The following NUP153 variants were observed in gnomAD, a reference collection of about 807,000 sequenced individuals.
NUP153 encodes nucleoporin 153, also known as nuclear pore complex protein Nup153.
Under a neutral mutation model 134.6 loss-of-function variants are expected in NUP153, and 27 were observed. The ratio of observed to expected loss-of-function variants is 0.20; its 90% CI spans 0.15 to 0.28. NUP153 has a LOEUF of 0.28. Ranked by LOEUF, NUP153 falls within the 10% of genes least tolerant of loss-of-function variation. The pLI, the probability that NUP153 is intolerant of heterozygous loss-of-function variation, is 1.00. For synonymous variants in NUP153, 640 were observed against 623.5 expected (o/e 1.03, Z -0.40); for missense variants, 1,821 against 1,731.3 (o/e 1.05, Z -0.92).
chr6:17,667,525 TAATACGG>T (rs896524031), intron 8 of NUP153, among the ~76,000 whole-genome samples: 60 of 152,182 alleles, frequency 3.9e-4, no homozygotes, highest in African/African-American at 1.4e-3. Context: ...CTACCCTGGC[TAATACGG>T]TGAAACCCCA....
In NUP153 at chr6:17,688,444, T is replaced by C. The variant is rs1769075794; in HGVS notation, c.286A>G (p.Ile96Val). 1 of 1,614,062 alleles carries C rather than the reference T, an allele frequency of 6.2e-7. No individual in the cohort carries two copies. The highest frequency in any genetic ancestry group is 1.7e-5 in the Admixed American group (1 of 60,004). Residue 96 changes from isoleucine to valine, a missense_variant, in exon 2 of 22, where the codon ATT becomes GTT. Coordinates refer to ENST00000262077, the MANE Select transcript of NUP153 (RefSeq NM_005124.4). The part of the protein sequence containing the change: ...LVYADEESSN[I>V]TDGRITPEPA... ...TCAGGTGTGATTCTCCCATCAGTAA[T>C]ATTAGAGCTCTCCTCATCGGCATAT...
At position 17,637,582 on chromosome 6, in the gene NUP153, T is replaced by C. The variant is rs754988805; in HGVS notation, c.2035A>G (p.Ile679Val). The change falls in exon 16 of 22, where the codon ATA (isoleucine) becomes GTA (valine). Residue 679 changes from isoleucine to valine, a missense_variant. Transcript: ENST00000262077. ...LQNKVTDNKC[I>V]ACQAAKLSPR... ...GACAATTTTGCTGCTTGACAGGCTATGCATTTGTTGTCTGTAACTTTGTTC... is the reference window on the plus strand; with the variant it reads ...GACAATTTTGCTGCTTGACAGGCTACGCATTTGTTGTCTGTAACTTTGTTC... 13 of 1,614,190 alleles carry C rather than the reference T, an allele frequency of 8.1e-6. No individual in the cohort carries two copies. Among genetic ancestry groups the C allele is most frequent in the Non-Finnish European group, 1.0e-5 (12 of 1,180,026 alleles).
chr6:17,641,654 C>T (rs1012759901), intron 14 of NUP153, among the ~76,000 whole-genome samples: 1 of 152,098 alleles, frequency 6.6e-6, no homozygotes, highest in African/African-American at 2.4e-5. Flanking sequence ...GAGATCGAGA[C>T]CACCCAGGCT....
chr6:17,691,880 T>C (rs1769299104), intron 1 of NUP153, among the ~76,000 whole-genome samples: 1 of 152,210 alleles, frequency 6.6e-6, no homozygotes, highest in Non-Finnish European at 1.5e-5. Context: ...CACGTGATCA[T>C]GGCCCACTGC....
chr6:17,642,670 C>G (rs575111122), intron 14 of NUP153, among the ~76,000 whole-genome samples: 1 of 152,336 alleles, frequency 6.6e-6, no homozygotes, highest in East Asian at 1.9e-4. Flanking sequence ...TCTGACCCAT[C>G]AATTCCATTC....
rs1407606215 is a variant in NUP153 at position 17,680,183 on chromosome 6, C to A, written c.335-4413G>T. On this transcript the variant is annotated intron_variant, in intron 2 of 21. Coordinates refer to ENST00000262077, the MANE Select transcript of NUP153 (RefSeq NM_005124.4). This position sits in a 1 kb window ranked among gnomAD's most constrained non-coding sequence, Gnocchi z 4.5. ...GAAATAAAAGTCCTGTCTGGGAAAT[C>A]TGCTTGGGTCCGTGTTAATTTCCAT... Among the ~76,000 whole-genome samples, 7 of 152,156 alleles carry A rather than the reference C, an allele frequency of 4.6e-5. No homozygotes were observed. Among genetic ancestry groups the A allele is most frequent in the Non-Finnish European group, 8.8e-5 (6 of 68,036 alleles).
intron 1 of NUP153, among the ~76,000 whole-genome samples, chr6:17,700,951 G>A (rs1406765477): frequency 6.6e-6 from 1 of 152,198 alleles, no homozygotes; most frequent in Non-Finnish European, 1.5e-5. Context: ...GCTAAGCAGT[G>A]GCTCATGCCT....
intron 11 of NUP153, among the ~76,000 whole-genome samples, chr6:17,649,822 T>C (rs936628885): frequency 2.6e-5 from 4 of 152,326 alleles, no homozygotes; most frequent in East Asian, 1.9e-4. Flanking sequence ...GATATGTATG[T>C]ATAAGAAAAA....
At chr6:17,669,632 G>A in intron 5 of NUP153, 86 bp from the exon 6 acceptor site, 1 of 905,870 alleles carries the variant, frequency 1.1e-6, no homozygotes, top group Non-Finnish European at 1.8e-6. Flanking sequence ...AAGATAGAAT[G>A]GATGTCCAAA....
chr6:17,646,598 G>A (rs1766199396), intron 13 of NUP153, among the ~76,000 whole-genome samples: 1 of 152,154 alleles, frequency 6.6e-6, no homozygotes, highest in Non-Finnish European at 1.5e-5. Context: ...CTAAAAGTGA[G>A]ATTCTTATAT....
intron 21 of NUP153, 93 bp from the exon 22 acceptor site, chr6:17,616,274 G>GC: frequency 3.8e-6 from 2 of 531,768 alleles, no homozygotes; most frequent in Non-Finnish European, 6.7e-6. Flanking sequence ...AGGGTAAGGG[G>GC]GGTCGGGTGG....
chr6:17,688,967 T>C (rs907314353), intron 1 of NUP153, among the ~76,000 whole-genome samples: 1 of 152,136 alleles, frequency 6.6e-6, no homozygotes, highest in Non-Finnish European at 1.5e-5. Flanking sequence ...TTTTTCCCAG[T>C]ATGTTAAAAC....
chr6:17,699,325 T>A (rs1769888484), intron 1 of NUP153, among the ~76,000 whole-genome samples: 2 of 151,046 alleles, frequency 1.3e-5, no homozygotes, highest in South Asian at 4.2e-4. Context: ...TGAAACCCCG[T>A]CCCTACTAAA....
At chr6:17,672,988 T>A (rs1397953866) in intron 5 of NUP153, among the ~76,000 whole-genome samples, 1 of 151,936 alleles carries the variant, frequency 6.6e-6, no homozygotes, top group African/African-American at 2.4e-5. Flanking sequence ...ATTATAATAG[T>A]AAAAATATCT....
At chr6:17,640,216 G>C (rs944519336) in intron 14 of NUP153, 152 bp from the exon 15 acceptor site, 2 of 571,046 alleles carry the variant, frequency 3.5e-6, no homozygotes, top group African/African-American at 3.9e-5. Flanking sequence ...TGACTTTACA[G>C]GGATAATTTG....
At position 17,661,916 on chromosome 6, in the gene NUP153, TTC is replaced by T; in HGVS notation, c.1268+100_1268+101del. On this transcript the variant is annotated intron_variant, in intron 10 of 21. Coordinates refer to ENST00000262077, the MANE Select transcript of NUP153 (RefSeq NM_005124.4). ...AATCTTAGATTTCTTTATATAAAGTTTCTGTTCTTTGATTTTAATCTTCAAAA... is the reference window on the plus strand; with the variant it reads ...AATCTTAGATTTCTTTATATAAAGTTTGTTCTTTGATTTTAATCTTCAAAA... 3.9e-6 allele frequency: 5 copies of T among 1,278,742 alleles called. No individual in the cohort carries two copies. In the South Asian group the frequency reaches 5.4e-5, roughly 14 times the overall value. 79.2% of individuals were successfully genotyped at this position (1,278,742 alleles called of 1,614,324 possible). A position where few individuals can be genotyped will look rare whatever the true frequency, so the allele number is the denominator to read the frequency against.
chr6:17,646,260 T>C (rs1766171879), intron 13 of NUP153, 106 bp from the exon 14 acceptor site: 2 of 534,650 alleles, frequency 3.7e-6, no homozygotes, highest in Non-Finnish European at 6.6e-6. Context: ...CAGGCTGGAG[T>C]GCAGTGGCGC....
intron 17 of NUP153, among the ~76,000 whole-genome samples, chr6:17,631,078 T>A (rs562655087): frequency 1.3e-5 from 2 of 152,324 alleles, no homozygotes; most frequent in East Asian, 3.9e-4. Flanking sequence ...AACACTTAAA[T>A]GCAGTGTTTT....
At chr6:17,677,732 C>CT (rs10719164) in intron 2 of NUP153, among the ~76,000 whole-genome samples, 25 of 92,738 alleles carry the variant, frequency 2.7e-4, no homozygotes, top group East Asian at 6.3e-4. Flanking sequence ...TTTTTTTTTC[C>CT]TTTTTTTTTT....
Sources: gnomAD v4.1 joint callset for allele counts (sites outside exome capture counted in the v4.1 genomes callset) on GRCh38, gnomAD v4.1.1 for gene constraint, Gnocchi (gnomAD v3.1) non-coding constraint, MANE v1.5 for transcripts, NCBI Gene and HGNC (gene_info 2026-07-23, HGNC 2026-07-21) for gene names.